The following TANK variants were observed in gnomAD, a reference collection of about 807,000 sequenced individuals.
TANK encodes the protein TRAF family member associated NFKB activator.
A neutral mutation model predicts 43.6 loss-of-function variants in TANK; 15 were observed. That is an observed-to-expected ratio of 0.34 (90% CI 0.23 to 0.53). The LOEUF (loss-of-function observed/expected upper bound fraction) is 0.53. Ranked by LOEUF, TANK falls within the 20% of genes least tolerant of loss-of-function variation. TANK has a pLI of 0.94. For missense variants in TANK, 417 were observed against 498.6 expected, an observed-to-expected ratio of 0.84 and a Z score of 1.56; for synonymous variants, 162 against 178.2, an observed-to-expected ratio of 0.91 and a Z score of 0.73.
At chr2:161,160,368 G>A (rs1289196548), upstream of TANK, 1 of 1,175,484 alleles carries the variant, frequency 8.5e-7, no homozygotes, top group East Asian at 3.2e-5. Flanking sequence ...AAGAGTTAAT[G>A]GCTCCGCGCG....
Position 161,224,033 on chromosome 2 carries a change from A to G in TANK, c.404+42A>G, listed in dbSNP as rs559224056. 870 of 1,228,878 alleles carry G rather than the reference A, an allele frequency of 7.1e-4. 9 individuals carry two copies. The South Asian group carries it at 0.012, about 17-fold the overall frequency. 76.1% of individuals were successfully genotyped at this position (1,228,878 alleles called of 1,614,324 possible). ...TTTTCTCAACTCTTAAAAATTATCA[A>G]TACTGAAATATATTTTATATTTGTT... On this transcript the variant is annotated intron_variant, in intron 5 of 7. Transcript: ENST00000392749.
chr2:161,234,283 T>C (rs1688065463), intron 7 of TANK, among the ~76,000 whole-genome samples: 1 of 152,198 alleles, frequency 6.6e-6, no homozygotes, highest in Non-Finnish European at 1.5e-5. Flanking sequence ...TAGACTAGGA[T>C]GTGTGACTTT....
At chr2:161,189,642 A>G (rs918322011) in intron 2 of TANK, among the ~76,000 whole-genome samples, 1 of 152,178 alleles carries the variant, frequency 6.6e-6, no homozygotes, top group Non-Finnish European at 1.5e-5. Context: ...AGAAAGCCCT[A>G]AAGATTCCAC....
chr2:161,212,166 A>G (rs1237828300), intron 4 of TANK: 1 of 311,722 alleles, frequency 3.2e-6, no homozygotes, highest in East Asian at 1.7e-4. Flanking sequence ...GCTCAAGTGA[A>G]TCTCCTGCCT....
intron 1 of TANK, chr2:161,138,094 C>G (rs975532867): frequency 3.1e-6 from 1 of 321,242 alleles, no homozygotes; most frequent in African/African-American, 2.3e-5. Context: ...TCTCCTTGGA[C>G]CATTTAAACT....
Position 161,231,481 on chromosome 2 carries a change from T to C in TANK, c.1031T>C (p.Leu344Pro), listed in dbSNP as rs1687906645. The change falls in exon 7 of 8, where the codon CTT becomes CCT. Residue 344 changes from leucine to proline, a missense_variant. Physicochemically the swap from Leu to Pro is moderately conservative, Grantham distance 98. Coordinates refer to ENST00000392749, the MANE Select transcript of TANK (RefSeq NM_001199135.3). ...HNALYVNSFP[L>P]LDPSDAPFPS... ...GCATTATATGTAAATAGCTTCCCAC[T>C]TCTGGACCCATCTGATGCACCTTTT... 1 of 1,613,940 alleles carries C rather than the reference T, an allele frequency of 6.2e-7. No homozygotes were observed. The highest frequency in any genetic ancestry group is 8.5e-7 in the Non-Finnish European group (1 of 1,180,006).
At chr2:161,221,655 C>T (rs1394061249) in intron 4 of TANK, among the ~76,000 whole-genome samples, 13 of 151,606 alleles carry the variant, frequency 8.6e-5, no homozygotes, top group Non-Finnish European at 1.9e-4. Flanking sequence ...TGTCAGAAAA[C>T]CGTTTACTTT....
chr2:161,209,081 G>A (rs557199340), intron 4 of TANK, among the ~76,000 whole-genome samples: 6 of 152,204 alleles, frequency 3.9e-5, no homozygotes, highest in South Asian at 4.1e-4. Flanking sequence ...TCACTTAATA[G>A]TGAATTAAAT....
Position 161,172,552 on chromosome 2 carries a change from C to G in TANK, c.-49-7062C>G, listed in dbSNP as rs193150282. On this transcript the variant is annotated intron_variant, in intron 1 of 7. Transcript: ENST00000392749. ...CTCTTTATTATGATGTCTTTTCTAG[C>G]ACTGTTGTCCAAAATTAGATTCAGT... Among the ~76,000 whole-genome samples the G allele has an allele frequency of 7.1e-4, 108 of 152,156 alleles. 1 individual carries two copies. The highest frequency in any genetic ancestry group is 1.8e-3 in the Admixed American group (27 of 15,278).
chr2:161,151,083 T>A (rs1292155408), intron 1 of TANK, among the ~76,000 whole-genome samples: 1 of 152,214 alleles, frequency 6.6e-6, no homozygotes, highest in African/African-American at 2.4e-5. Context: ...TATTTGTAAA[T>A]TTTTTAGTTT....
chr2:161,220,103 C>G (rs1219676248), intron 4 of TANK, among the ~76,000 whole-genome samples: 1 of 152,136 alleles, frequency 6.6e-6, no homozygotes, highest in Non-Finnish European at 1.5e-5. Flanking sequence ...CCTAAGCTAG[C>G]TAAAAATAAA....
chr2:161,187,535 C>T (rs1247716167), intron 2 of TANK, among the ~76,000 whole-genome samples: 2 of 152,158 alleles, frequency 1.3e-5, no homozygotes, highest in Non-Finnish European at 2.9e-5. Context: ...GTTATATATG[C>T]ATCATATGCC....
chr2:161,160,281 C>T, upstream of TANK: 1 of 238,314 alleles, frequency 4.2e-6, no homozygotes, highest in Non-Finnish European at 6.0e-6. Context: ...CTAGGCGGGG[C>T]GGGCAGGGGC....
chr2:161,220,907 T>C (rs897911254), intron 4 of TANK, among the ~76,000 whole-genome samples: 5 of 152,198 alleles, frequency 3.3e-5, no homozygotes, highest in African/African-American at 1.2e-4. Flanking sequence ...TAATGAAATA[T>C]TAACCACTTT....
intron 1 of TANK, among the ~76,000 whole-genome samples, chr2:161,143,155 T>G (rs1683801129): frequency 6.6e-6 from 1 of 152,174 alleles, no homozygotes; most frequent in Non-Finnish European, 1.5e-5. Context: ...ATGCTTGTGA[T>G]TTTTGCACAC....
chr2:161,154,998 G>A (rs1032049233), intron 1 of TANK, among the ~76,000 whole-genome samples: 3 of 151,992 alleles, frequency 2.0e-5, no homozygotes, highest in Non-Finnish European at 4.4e-5. Flanking sequence ...GCCTGCCTTG[G>A]CCTCTCAAAG....
chr2:161,200,717 T>C (rs1025071853), intron 2 of TANK: 2 of 209,398 alleles, frequency 9.6e-6, no homozygotes, highest in Non-Finnish European at 1.7e-5. Context: ...TTAGTGTTTC[T>C]AGAGAAATAT....
chr2:161,170,396 T>C (rs1684891037), intron 1 of TANK, among the ~76,000 whole-genome samples: 1 of 152,198 alleles, frequency 6.6e-6, no homozygotes, highest in Non-Finnish European at 1.5e-5. Context: ...CTTTATTTAT[T>C]TATTTGAGAA....
At chr2:161,202,936 A>C in intron 2 of TANK, 1 of 439,404 alleles carries the variant, frequency 2.3e-6, no homozygotes. Flanking sequence ...CCAAAGGTCA[A>C]CTATATTCTC....
Sources: allele counts gnomAD v4.1 joint callset (sites outside exome capture counted in the v4.1 genomes callset), GRCh38; gene constraint gnomAD v4.1.1; transcripts MANE v1.5; gene names NCBI Gene and HGNC (gene_info 2026-07-23, HGNC 2026-07-21).